Variants in FHIT observed in about 807,000 individuals in gnomAD.
FHIT encodes the protein bis(5'-adenosyl)-triphosphatase.
In FHIT, 19 loss-of-function variants were observed where a neutral mutation model predicts 17.9. That is an observed-to-expected ratio of 1.06 (90% confidence interval 0.74 to 1.56). The LOEUF (loss-of-function observed/expected upper bound fraction) is 1.56, where lower values mean the gene tolerates loss of function less well. Among genes scored for constraint, FHIT ranks in the 40% most tolerant of loss-of-function variants. FHIT has a pLI of 0.00. For synonymous variants in FHIT, 81 were observed against 69.7 expected (o/e 1.16, Z -0.81); for missense variants, 248 against 189.2 (o/e 1.31, Z -1.82).
intron 2 of FHIT, among the ~76,000 whole-genome samples, chr3:61,110,807 T>C (rs2036135309): frequency 6.6e-6 from 1 of 152,168 alleles, no homozygotes; most frequent in African/African-American, 2.4e-5. Flanking sequence ...AAACACATAA[T>C]GATAGTGCTG....
At chr3:60,347,678 G>C (rs74883138) in intron 5 of FHIT, among the ~76,000 whole-genome samples, 971 of 83,674 alleles carry the variant, frequency 0.012, 23 homozygotes, top group Non-Finnish European at 0.02. Context: ...ACTGGTTTGG[G>C]GGGGGGGGGG....
chr3:60,481,107 G>C (rs1334643048), intron 5 of FHIT, among the ~76,000 whole-genome samples: 1 of 152,058 alleles, frequency 6.6e-6, no homozygotes, highest in Non-Finnish European at 1.5e-5. Flanking sequence ...TTCCCAAAGA[G>C]TTCCACAAGA....
chr3:60,352,919 C>G (rs779965308), intron 5 of FHIT, among the ~76,000 whole-genome samples: 7 of 152,112 alleles, frequency 4.6e-5, no homozygotes, highest in Non-Finnish European at 1.0e-4. Flanking sequence ...GCCTCGCATT[C>G]TCAGTGTGGG....
chr3:60,663,467 CT>C (rs2107829437), intron 4 of FHIT, among the ~76,000 whole-genome samples: 1 of 151,896 alleles, frequency 6.6e-6, no homozygotes, highest in East Asian at 1.9e-4. Flanking sequence ...CGGAATTTCA[CT>C]CTTGTTGCCC....
chr3:60,095,286 G>A (rs1156930846), intron 5 of FHIT, among the ~76,000 whole-genome samples: 1 of 152,168 alleles, frequency 6.6e-6, no homozygotes, highest in African/African-American at 2.4e-5. Flanking sequence ...AAATGAAACA[G>A]GTGGAATGTT....
intron 2 of FHIT, among the ~76,000 whole-genome samples, chr3:61,129,454 T>C (rs994374241): frequency 7.2e-5 from 11 of 152,158 alleles, no homozygotes; most frequent in Non-Finnish European, 1.3e-4. Context: ...AGTTGGAACA[T>C]GGTTGAACTC....
At chr3:60,773,828 C>T (rs1264047843) in intron 4 of FHIT, among the ~76,000 whole-genome samples, 2 of 152,234 alleles carry the variant, frequency 1.3e-5, no homozygotes, top group Non-Finnish European at 2.9e-5. Flanking sequence ...CCAAACAATA[C>T]CAGTCTGATT....
At chr3:60,734,746 T>C (rs2042101914) in intron 4 of FHIT, among the ~76,000 whole-genome samples, 1 of 152,238 alleles carries the variant, frequency 6.6e-6, no homozygotes, top group African/African-American at 2.4e-5. Flanking sequence ...GAAGAAACAA[T>C]GCTTCCACTT....
At chr3:61,137,859 C>T (rs1348560233) in intron 2 of FHIT, among the ~76,000 whole-genome samples, 1 of 152,204 alleles carries the variant, frequency 6.6e-6, no homozygotes, top group African/African-American at 2.4e-5. Context: ...CACCTCTCTC[C>T]CTGCAGCCTC....
rs369670578 is a variant in FHIT, at chr3:60,916,225, G to A, written c.-110-94214C>T. Among the ~76,000 whole-genome samples the A allele has an allele frequency of 1.3e-4, 20 of 152,118 alleles. No homozygotes were observed. In the South Asian group the frequency reaches 4.2e-3, roughly 32 times the overall value. ...ATGCAATGCCATGGCGAATATTTTT[G>A]TACATAGAATTTTGTGCACCTGCAT... On this transcript the variant is annotated intron_variant, in intron 3 of 9. Transcript: ENST00000492590.
chr3:60,927,487 C>T (rs1212781461), intron 3 of FHIT, among the ~76,000 whole-genome samples: 1 of 152,088 alleles, frequency 6.6e-6, no homozygotes, highest in Non-Finnish European at 1.5e-5. Context: ...GCCACCCAGT[C>T]TGGGAAGTGA....
chr3:59,766,137 T>C (rs530543812), intron 8 of FHIT, among the ~76,000 whole-genome samples: 5 of 152,292 alleles, frequency 3.3e-5, no homozygotes, highest in Admixed American at 1.3e-4. Context: ...AGATGTGGGA[T>C]AGTAGCAAAA....
chr3:59,967,699 T>C (rs1193146519), intron 7 of FHIT, among the ~76,000 whole-genome samples: 1 of 152,190 alleles, frequency 6.6e-6, no homozygotes, highest in Non-Finnish European at 1.5e-5. Flanking sequence ...CCTCAGTTTC[T>C]ATGTTTGTTG....
chr3:60,322,304 T>C (rs1709469607), intron 5 of FHIT, among the ~76,000 whole-genome samples: 1 of 152,188 alleles, frequency 6.6e-6, no homozygotes, highest in South Asian at 2.1e-4. Flanking sequence ...ATACATGACA[T>C]ACTACAATGT....
At chr3:59,996,674 T>A (rs1178264994) in intron 7 of FHIT, among the ~76,000 whole-genome samples, 1 of 152,068 alleles carries the variant, frequency 6.6e-6, no homozygotes, top group South Asian at 2.1e-4. Context: ...GAAAAATGAT[T>A]AGCATGAAAG....
rs914943770 is a variant in FHIT at position 59,824,862 on chromosome 3, C to T, written c.349-72541G>A. Reference sequence around the variant, plus strand: ...TCAACCATTCCTTCCTTAATCCTTCCACCCATCCCTCTCCTAACCCCCACC... The same window carrying T: ...TCAACCATTCCTTCCTTAATCCTTCTACCCATCCCTCTCCTAACCCCCACC... On this transcript the variant is annotated intron_variant, in intron 8 of 9. Transcript: ENST00000492590. Among the ~76,000 whole-genome samples, 14 of 152,130 alleles carry T rather than the reference C, an allele frequency of 9.2e-5. 1 individual carries two copies. Among genetic ancestry groups the T allele is most frequent in the Admixed American group, 9.2e-4 (14 of 15,256 alleles).
intron 8 of FHIT, among the ~76,000 whole-genome samples, chr3:59,888,198 G>C (rs1351486256): frequency 1.3e-5 from 2 of 152,100 alleles, no homozygotes; most frequent in Non-Finnish European, 2.9e-5. Context: ...AATAATTCAG[G>C]CTTGGACATT....
At chr3:59,788,548 T>C (rs967657357) in intron 8 of FHIT, among the ~76,000 whole-genome samples, 6 of 152,174 alleles carry the variant, frequency 3.9e-5, no homozygotes, top group African/African-American at 1.4e-4. Flanking sequence ...TAAACAGGGC[T>C]AAAGGCAGGC....
intron 4 of FHIT, among the ~76,000 whole-genome samples, chr3:60,743,122 TGCTTGAA>T (rs1247614314): frequency 6.6e-6 from 1 of 151,772 alleles, no homozygotes; most frequent in Non-Finnish European, 1.5e-5. Context: ...GACACAGTGC[TGCTTGAA>T]TCAGAATCTA....
Sources: allele counts gnomAD v4.1 joint callset (sites outside exome capture counted in the v4.1 genomes callset), GRCh38; gene constraint gnomAD v4.1.1; transcripts MANE v1.5; gene names NCBI Gene and HGNC (gene_info 2026-07-23, HGNC 2026-07-21).